The following RALGPS1 variants were observed in gnomAD, a reference collection of about 807,000 sequenced individuals.
The protein encoded by RALGPS1 is Ral GEF with PH domain and SH3 binding motif 1.
RALGPS1 carries 19 observed loss-of-function variants against 78.8 expected under a neutral mutation model. The ratio of observed to expected loss-of-function variants is 0.24; its 90% CI spans 0.17 to 0.35. The LOEUF is 0.35. RALGPS1 is among the 10% of genes least tolerant of loss of function. RALGPS1 has a pLI of 1.00. For synonymous variants in RALGPS1, 228 were observed against 256.3 expected (o/e 0.89, Z 1.06); for missense variants, 454 against 688.3 (o/e 0.66, Z 3.81).
chr9:127,007,881 T>C (rs1265479734), intron 4 of RALGPS1, among the ~76,000 whole-genome samples: 1 of 152,178 alleles, frequency 6.6e-6, no homozygotes, highest in Non-Finnish European at 1.5e-5. Context: ...TTGCATGGCT[T>C]ACAAGGATTG....
intron 7 of RALGPS1, among the ~76,000 whole-genome samples, chr9:127,058,088 G>T (rs1449023924): frequency 6.6e-6 from 1 of 152,196 alleles, no homozygotes; most frequent in African/African-American, 2.4e-5. Context: ...GCCAAGATGA[G>T]GGGATGAGTG....
intron 7 of RALGPS1, among the ~76,000 whole-genome samples, chr9:127,066,670 G>A (rs761034169): frequency 1.5e-4 from 23 of 152,166 alleles, no homozygotes; most frequent in Non-Finnish European, 3.1e-4. Context: ...AAACCACAAT[G>A]GAGCTGTTTT....
At chr9:126,976,791 C>T (rs564249971) in intron 3 of RALGPS1, among the ~76,000 whole-genome samples, 3 of 152,328 alleles carry the variant, frequency 2.0e-5, no homozygotes, top group African/African-American at 7.2e-5. Flanking sequence ...AGAGGCATCT[C>T]TTAACTGACA....
At chr9:127,051,728 C>T (rs2048317929) in intron 6 of RALGPS1, among the ~76,000 whole-genome samples, 1 of 152,190 alleles carries the variant, frequency 6.6e-6, no homozygotes, top group South Asian at 2.1e-4. Flanking sequence ...CTAGGCCCTA[C>T]AATGTGCTGG....
intron 1 of RALGPS1, among the ~76,000 whole-genome samples, chr9:126,920,439 G>A (rs1828828507): frequency 2.6e-5 from 4 of 152,172 alleles, no homozygotes; most frequent in Non-Finnish European, 5.9e-5. Context: ...AGATGAGGAA[G>A]CAGAAAAATG....
chr9:127,073,942 C>T (rs1217809774), intron 8 of RALGPS1, among the ~76,000 whole-genome samples: 2 of 152,094 alleles, frequency 1.3e-5, no homozygotes, highest in Non-Finnish European at 2.9e-5. Context: ...AGTGCAGTGG[C>T]GCCGTCTCGG....
intron 8 of RALGPS1, among the ~76,000 whole-genome samples, chr9:127,103,201 A>G (rs1473745406): frequency 1.3e-5 from 2 of 152,358 alleles, no homozygotes; most frequent in South Asian, 2.1e-4. Context: ...GGGAACCACA[A>G]TCGTGTACGT....
At chr9:126,941,622 G>C (rs1194991436) in intron 1 of RALGPS1, among the ~76,000 whole-genome samples, 1 of 152,212 alleles carries the variant, frequency 6.6e-6, no homozygotes, top group East Asian at 1.9e-4. Context: ...ATATACTGGG[G>C]GTTTTGGGTT....
intron 8 of RALGPS1, among the ~76,000 whole-genome samples, chr9:127,118,382 C>T (rs1181214362): frequency 6.6e-6 from 1 of 152,176 alleles, no homozygotes; most frequent in Non-Finnish European, 1.5e-5. Context: ...CTCCAAGCTG[C>T]CTGTGGCTGA....
At chr9:127,065,026 A>G (rs1213627806) in intron 7 of RALGPS1, among the ~76,000 whole-genome samples, 2 of 151,660 alleles carry the variant, frequency 1.3e-5, no homozygotes. Flanking sequence ...TGCAACCTTG[A>G]ACTCCTGGGC....
At chr9:127,195,030 T>C (rs2061279065) in intron 11 of RALGPS1, 61 bp from the exon 12 acceptor site, 1 of 1,591,410 alleles carries the variant, frequency 6.3e-7, no homozygotes, top group Admixed American at 1.7e-5. Context: ...CAACCCAGCC[T>C]GTGCAGCCCC....
chr9:127,046,797 T>C (rs772649183), intron 5 of RALGPS1, among the ~76,000 whole-genome samples: 27 of 151,204 alleles, frequency 1.8e-4, no homozygotes, highest in Non-Finnish European at 3.2e-4. Flanking sequence ...GATGTCCCAG[T>C]AGAAAGATAG....
At chr9:127,107,113 C>G (rs1185196817) in intron 8 of RALGPS1, 1 of 152,200 alleles carries the variant, frequency 6.6e-6, no homozygotes, top group African/African-American at 2.4e-5. Context: ...AGTCCTAGAG[C>G]ATAGAGAAGT....
Position 127,211,674 on chromosome 9 carries a change from C to T in RALGPS1, c.1248-457C>T, listed in dbSNP as rs549369473. Among the ~76,000 whole-genome samples, 13 of 152,172 alleles carry T rather than the reference C, an allele frequency of 8.5e-5. No homozygotes were observed. Among genetic ancestry groups the T allele is most frequent in the African/African-American group, 2.2e-4 (9 of 41,524 alleles). On this transcript the variant is annotated intron_variant, in intron 14 of 18. Transcript: ENST00000259351. This position sits in a 1 kb window ranked among gnomAD's most constrained non-coding sequence, Gnocchi z 5.0. ...GTGGGGAATGGTGCGTGTGGGCTCGCGTCCCTCCTGTCCCTCCACACCACC... is the reference window on the plus strand; with the variant it reads ...GTGGGGAATGGTGCGTGTGGGCTCGTGTCCCTCCTGTCCCTCCACACCACC...
At chr9:127,197,597 T>A (rs1335384708) in intron 13 of RALGPS1, among the ~76,000 whole-genome samples, 21 of 152,146 alleles carry the variant, frequency 1.4e-4, no homozygotes, top group Non-Finnish European at 1.5e-5. Flanking sequence ...GCAATATCAG[T>A]CCAGGGGTCG....
At chr9:127,176,439 A>G (rs1490167055) in intron 11 of RALGPS1, among the ~76,000 whole-genome samples, 1 of 152,180 alleles carries the variant, frequency 6.6e-6, no homozygotes, top group Non-Finnish European at 1.5e-5. Context: ...CAGGGTTCCT[A>G]TCAGAAGACT....
chr9:126,980,883 G>A (rs969570837), intron 4 of RALGPS1, among the ~76,000 whole-genome samples: 2 of 152,132 alleles, frequency 1.3e-5, no homozygotes, highest in African/African-American at 4.8e-5. Context: ...ATCTTACCAG[G>A]CTTCCATTGT....
chr9:127,068,116 G>A (rs914226940), intron 7 of RALGPS1, among the ~76,000 whole-genome samples: 1 of 152,190 alleles, frequency 6.6e-6, no homozygotes, highest in Non-Finnish European at 1.5e-5. Context: ...TCTGACTAGG[G>A]ATACCTGTTC....
rs368402574 is a variant in RALGPS1 at position 127,059,527 on chromosome 9, T to C, written c.483+6588T>C. Among the ~76,000 whole-genome samples the C allele has an allele frequency of 1.4e-4, 21 of 152,304 alleles. No individual in the cohort carries two copies. In the East Asian group the frequency reaches 3.9e-3, roughly 28 times the overall value. On this transcript the variant is annotated intron_variant, in intron 7 of 18. Coordinates refer to ENST00000259351, the MANE Select transcript of RALGPS1 (RefSeq NM_014636.3). ...TTCCCTTGGCTTAATTTTCTTCCTC[T>C]TGACTTCTTTTGTTGCTATGGATGT...
Sources: gnomAD v4.1 joint callset for allele counts (sites outside exome capture counted in the v4.1 genomes callset) on GRCh38, gnomAD v4.1.1 for gene constraint, Gnocchi (gnomAD v3.1) non-coding constraint, MANE v1.5 for transcripts, NCBI Gene and HGNC (gene_info 2026-07-23, HGNC 2026-07-21) for gene names.